Variants in OSBPL1A observed in about 807,000 individuals in gnomAD.
The protein encoded by OSBPL1A is oxysterol binding protein like 1A, also known as oxysterol-binding protein-related protein 1.
OSBPL1A carries 80 observed loss-of-function variants against 137.1 expected under a neutral mutation model. The ratio of observed to expected loss-of-function variants is 0.58; its 90% confidence interval spans 0.49 to 0.70. The LOEUF is 0.70. Among genes scored for constraint, OSBPL1A ranks in the 30% least tolerant of loss-of-function variants. The pLI is 0.00. For synonymous variants in OSBPL1A, 365 were observed against 389.7 expected, an observed-to-expected ratio of 0.94 and a Z score of 0.75; for missense variants, 970 against 1,129.4, an observed-to-expected ratio of 0.86 and a Z score of 2.02.
chr18:24,250,135 C>T (rs1829405540), intron 15 of OSBPL1A, among the ~76,000 whole-genome samples: 1 of 151,080 alleles, frequency 6.6e-6, no homozygotes, highest in Non-Finnish European at 1.5e-5. Context: ...GCCTTAGCTC[C>T]CAGAAGGCGT....
At chr18:24,165,857 A>T (rs775482133) in intron 26 of OSBPL1A, among the ~76,000 whole-genome samples, 1 of 152,140 alleles carries the variant, frequency 6.6e-6, no homozygotes, top group Non-Finnish European at 1.5e-5. Context: ...GCACTTTGGG[A>T]GTCTGAGGTG....
At chr18:24,340,442 G>A (rs1044004327) in intron 5 of OSBPL1A, among the ~76,000 whole-genome samples, 1 of 152,154 alleles carries the variant, frequency 6.6e-6, no homozygotes, top group African/African-American at 2.4e-5. Context: ...GGGAGGCCGA[G>A]ATGGGAGGAT....
At chr18:24,274,514 G>T (rs1190461132) in intron 15 of OSBPL1A, among the ~76,000 whole-genome samples, 2 of 152,118 alleles carry the variant, frequency 1.3e-5, no homozygotes, top group Non-Finnish European at 2.9e-5. Context: ...TAAAAGAATG[G>T]GTGACATCAT....
intron 17 of OSBPL1A, among the ~76,000 whole-genome samples, chr18:24,208,332 G>A (rs6508259): frequency 0.22 from 33,296 of 151,944 alleles, 3,954 homozygotes; most frequent in South Asian, 0.27. Flanking sequence ...CAGCTCACAA[G>A]TCTATTCTTT....
chr18:24,363,876 G>C (rs1177495572), intron 4 of OSBPL1A, among the ~76,000 whole-genome samples: 2 of 151,432 alleles, frequency 1.3e-5, no homozygotes, highest in African/African-American at 4.9e-5. Flanking sequence ...GTGCTCAAGT[G>C]ATCCTTCCAC....
Position 24,358,592 on chromosome 18 carries a change from C to T in OSBPL1A, c.282+8300G>A, listed in dbSNP as rs180946264. On this transcript the variant is annotated intron_variant, in intron 4 of 27. Transcript: ENST00000319481. Reference sequence around the variant, plus strand: ...GATACGTGTCAAGTTGTCTGGGCATCGCCTGAAACACAGTAGGCCTTCAAT... The same window carrying T: ...GATACGTGTCAAGTTGTCTGGGCATTGCCTGAAACACAGTAGGCCTTCAAT... 2.0e-3 allele frequency: 1,422 copies of T among 694,420 alleles called. 5 individuals carry two copies. The highest frequency in any genetic ancestry group is 9.0e-3 in the Middle Eastern group (39 of 4,310). The allele number at this position is 694,420 out of a possible 1,614,324, so 43.0% of individuals were successfully genotyped here.
At chr18:24,203,834 A>C (rs1171773853) in intron 17 of OSBPL1A, among the ~76,000 whole-genome samples, 1 of 152,046 alleles carries the variant, frequency 6.6e-6, no homozygotes, top group Non-Finnish European at 1.5e-5. Context: ...GCTTGTCAAT[A>C]CTGCACGCAA....
chr18:24,271,342 G>C lies in OSBPL1A; in HGVS notation c.1281+9500C>G, dbSNP rs1381417309. On this transcript the variant is annotated intron_variant, in intron 15 of 27. Transcript: ENST00000319481. The surrounding 1 kb of genome is among the most constrained non-coding windows in gnomAD (Gnocchi z 4.0). ...TGACCTAATACCAATATTCAACTGAGAAACACATCAGTCCACGGGCTTTTT... is the reference window on the plus strand; with the variant it reads ...TGACCTAATACCAATATTCAACTGACAAACACATCAGTCCACGGGCTTTTT... 6.6e-6 allele frequency among the ~76,000 whole-genome samples: 1 copy of C among 152,178 alleles called. No homozygotes were observed. The highest frequency in any genetic ancestry group is 2.4e-5 in the African/African-American group (1 of 41,462).
chr18:24,163,414 G>C (rs1303455551), intron 27 of OSBPL1A, 133 bp from the exon 28 acceptor site: 4 of 597,476 alleles, frequency 6.7e-6, no homozygotes, highest in Non-Finnish European at 1.2e-5. Flanking sequence ...AAGAGATGCT[G>C]AAGTGATGCT....
At chr18:24,207,891 G>A (rs73390317) in intron 17 of OSBPL1A, among the ~76,000 whole-genome samples, 3,599 of 152,132 alleles carry the variant, frequency 0.024, 133 homozygotes, top group African/African-American at 0.081. Context: ...CACTACAAGC[G>A]TGTGTTACAA....
chr18:24,244,548 A>T (rs1335444597), intron 15 of OSBPL1A, among the ~76,000 whole-genome samples: 1 of 152,222 alleles, frequency 6.6e-6, no homozygotes, highest in Non-Finnish European at 1.5e-5. Flanking sequence ...AGAAAAGCTT[A>T]AGGACTGAAC....
intron 22 of OSBPL1A, 106 bp downstream of exon 22, chr18:24,172,270 T>C (rs1370003880): frequency 8.6e-6 from 7 of 816,672 alleles, no homozygotes; most frequent in Non-Finnish European, 1.4e-5. Context: ...TTCATCAGCC[T>C]GTTCTAGAGC....
intron 13 of OSBPL1A, among the ~76,000 whole-genome samples, chr18:24,310,596 C>A (rs1211087233): frequency 8.0e-6 from 1 of 124,290 alleles, no homozygotes; most frequent in Non-Finnish European, 1.6e-5. Flanking sequence ...AGCAAGACTC[C>A]GTCTCAAAAA....
At chr18:24,210,386 TA>T (rs2087501349) in intron 17 of OSBPL1A, among the ~76,000 whole-genome samples, 1 of 151,908 alleles carries the variant, frequency 6.6e-6, no homozygotes, top group Admixed American at 6.6e-5. Flanking sequence ...AGTAGTGAGC[TA>T]AAATTGTGCT....
At chr18:24,255,215 C>T (rs1480832285) in intron 15 of OSBPL1A, among the ~76,000 whole-genome samples, 1 of 152,186 alleles carries the variant, frequency 6.6e-6, no homozygotes, top group Non-Finnish European at 1.5e-5. Context: ...AACAAAAAGT[C>T]TCCCAGTAAA....
chr18:24,391,175 T>C (rs551153137), intron 1 of OSBPL1A, among the ~76,000 whole-genome samples: 1 of 152,238 alleles, frequency 6.6e-6, no homozygotes, highest in Admixed American at 6.5e-5. Flanking sequence ...CTAAGTGAAA[T>C]AAATCACTCA....
At chr18:24,314,544 G>A (rs1261488707) in intron 11 of OSBPL1A, among the ~76,000 whole-genome samples, 197 bp from the exon 12 acceptor site, 1 of 152,124 alleles carries the variant, frequency 6.6e-6, no homozygotes, top group Non-Finnish European at 1.5e-5. Context: ...GTTGAGTCTG[G>A]CTCTCAACTT....
At chr18:24,180,026 T>C (rs1197012698) in intron 19 of OSBPL1A, among the ~76,000 whole-genome samples, 191 bp from the exon 20 acceptor site, 2 of 152,262 alleles carry the variant, frequency 1.3e-5, no homozygotes, top group African/African-American at 4.8e-5. Flanking sequence ...TACTTTCAGT[T>C]GCTTCCTACA....
At chr18:24,315,699 A>G in intron 11 of OSBPL1A, among the ~76,000 whole-genome samples, 1 of 122,200 alleles carries the variant, frequency 8.2e-6, no homozygotes, top group South Asian at 2.3e-4. Flanking sequence ...ATTATATACT[A>G]TATAATAAAA....
Sources: allele counts gnomAD v4.1 joint callset (sites outside exome capture counted in the v4.1 genomes callset), GRCh38; gene constraint gnomAD v4.1.1; non-coding constraint Gnocchi (gnomAD v3.1); transcripts MANE v1.5; gene names NCBI Gene and HGNC (gene_info 2026-07-23, HGNC 2026-07-21).